The following AGBL4 variants were observed in gnomAD, a reference collection of about 807,000 sequenced individuals.
AGBL4 encodes the protein cytosolic carboxypeptidase 6.
AGBL4 carries 58 observed loss-of-function variants against 66.4 expected under a neutral mutation model. The observed-to-expected ratio is 0.87, with a 90% CI of 0.71 to 1.09. The LOEUF is 1.09. Among genes scored for constraint, AGBL4 ranks in the 50% least tolerant of loss-of-function variants. The pLI is 0.00. For missense variants in AGBL4, 579 were observed against 631.0 expected (o/e 0.92, Z 0.88); for synonymous variants, 234 against 222.9 (o/e 1.05, Z -0.44).
At chr1:49,114,586 T>C (rs1163081067) in intron 4 of AGBL4, among the ~76,000 whole-genome samples, 1 of 152,226 alleles carries the variant, frequency 6.6e-6, no homozygotes, top group Non-Finnish European at 1.5e-5. Flanking sequence ...CCTATCTTTC[T>C]TCCTAACTCA....
At chr1:49,232,897 TTTG>T (rs1262783609) in intron 4 of AGBL4, among the ~76,000 whole-genome samples, 31 of 152,094 alleles carry the variant, frequency 2.0e-4, no homozygotes, top group Non-Finnish European at 3.5e-4. Context: ...ACTAAAAATA[TTTG>T]TTTATATCAT....
rs547216692 is a variant in AGBL4 at position 49,172,371 on chromosome 1, G to A, written c.377+73399C>T. Among the ~76,000 whole-genome samples the A allele has an allele frequency of 1.6e-4, 25 of 152,306 alleles. 1 individual carries two copies. The South Asian group carries it at 4.6e-3, about 28-fold the overall frequency. Reference sequence around the variant, plus strand: ...ATGAGCCAGGATGAGCCAGATGTGTGCCTCCAAAAAAATTGGAAGTGGGAG... The same window carrying A: ...ATGAGCCAGGATGAGCCAGATGTGTACCTCCAAAAAAATTGGAAGTGGGAG... On this transcript the variant is annotated intron_variant, in intron 4 of 13. Coordinates refer to ENST00000371839, the MANE Select transcript of AGBL4 (RefSeq NM_032785.4).
At chr1:49,530,375 T>TA (rs1651042253) in intron 3 of AGBL4, among the ~76,000 whole-genome samples, 1 of 151,688 alleles carries the variant, frequency 6.6e-6, no homozygotes. Context: ...TGTGCCATGT[T>TA]GGTGTGCTGC....
intron 6 of AGBL4, among the ~76,000 whole-genome samples, chr1:48,686,484 A>T (rs1163991004): frequency 6.6e-6 from 1 of 152,254 alleles, no homozygotes; most frequent in Admixed American, 6.5e-5. Context: ...CGTTCAGCAC[A>T]CAGCGCAATG....
intron 2 of AGBL4, among the ~76,000 whole-genome samples, chr1:49,740,403 G>C (rs1650336518): frequency 6.6e-6 from 1 of 152,090 alleles, no homozygotes; most frequent in African/African-American, 2.4e-5. Context: ...CATAAAGCAA[G>C]TCCTTAGAGA....
chr1:48,683,204 G>A (rs908221244), intron 6 of AGBL4, among the ~76,000 whole-genome samples: 6 of 152,196 alleles, frequency 3.9e-5, no homozygotes, highest in Non-Finnish European at 8.8e-5. Flanking sequence ...AGTCCCAGGT[G>A]GTTCTGCGGA....
At chr1:49,728,819 C>T (rs1649218382) in intron 2 of AGBL4, among the ~76,000 whole-genome samples, 1 of 152,166 alleles carries the variant, frequency 6.6e-6, no homozygotes, top group South Asian at 2.1e-4. Context: ...CTCAACTGTC[C>T]ATTCCCAGTT....
At chr1:49,314,271 T>C (rs1417734383) in intron 3 of AGBL4, among the ~76,000 whole-genome samples, 4 of 152,114 alleles carry the variant, frequency 2.6e-5, no homozygotes, top group Non-Finnish European at 4.4e-5. Flanking sequence ...CTGGGATTCA[T>C]GTGCAGAACT....
intron 6 of AGBL4, among the ~76,000 whole-genome samples, chr1:48,722,126 G>GGGGT (rs748867152): frequency 7.2e-6 from 1 of 138,564 alleles, no homozygotes; most frequent in African/African-American, 2.6e-5. Context: ...TTGTTTATTT[G>GGGGT]GGGTGGGTGG....
chr1:49,415,508 A>G (rs1209953388), intron 3 of AGBL4, among the ~76,000 whole-genome samples: 2 of 152,096 alleles, frequency 1.3e-5, no homozygotes. Context: ...GAACCTGCTA[A>G]TAACTAGGTG....
chr1:49,309,153 C>A (rs1425544202), intron 3 of AGBL4, among the ~76,000 whole-genome samples: 1 of 152,214 alleles, frequency 6.6e-6, no homozygotes, highest in Non-Finnish European at 1.5e-5. Context: ...CTAGGCTCAA[C>A]ATTCTGTGTG....
At chr1:48,961,077 T>TGG (rs1401534697) in intron 5 of AGBL4, among the ~76,000 whole-genome samples, 11 of 134,570 alleles carry the variant, frequency 8.2e-5, no homozygotes, top group African/African-American at 3.3e-4. Flanking sequence ...GATCCCAGTC[T>TGG]GGGGTGTGTG....
At chr1:48,626,455 A>G (rs75306570) in intron 9 of AGBL4, among the ~76,000 whole-genome samples, 3,604 of 152,298 alleles carry the variant, frequency 0.024, 134 homozygotes, top group African/African-American at 0.08. Context: ...TAAGCATCCA[A>G]TCAGTCTGTC....
chr1:49,790,363 C>CA (rs11313463), intron 2 of AGBL4, among the ~76,000 whole-genome samples: 2,821 of 98,842 alleles, frequency 0.029, 87 homozygotes, highest in African/African-American at 0.08. Context: ...GATTCTATCT[C>CA]AAAAAAAAAA....
chr1:48,851,070 C>T (rs2148809104), intron 6 of AGBL4, among the ~76,000 whole-genome samples: 1 of 152,264 alleles, frequency 6.6e-6, no homozygotes, highest in South Asian at 2.1e-4. Flanking sequence ...ATATGAAAAC[C>T]ACTTGTAGTG....
chr1:49,381,237 A>G (rs1391251761), intron 3 of AGBL4, among the ~76,000 whole-genome samples: 4 of 152,246 alleles, frequency 2.6e-5, no homozygotes, highest in Non-Finnish European at 5.9e-5. Context: ...CAAAAAACAC[A>G]TGAAAAAATG....
intron 6 of AGBL4, among the ~76,000 whole-genome samples, chr1:48,694,496 T>A (rs935923996): frequency 2.6e-5 from 4 of 152,232 alleles, no homozygotes; most frequent in Admixed American, 1.3e-4. Flanking sequence ...TAAGATGAGA[T>A]GCTGTATGCA....
At chr1:49,428,746 C>T (rs961075660) in intron 3 of AGBL4, among the ~76,000 whole-genome samples, 4 of 152,204 alleles carry the variant, frequency 2.6e-5, no homozygotes, top group East Asian at 1.9e-4. Flanking sequence ...GTGCCCCATT[C>T]GTTGGACTAG....
chr1:48,732,552 CTT>C (rs1258846141), intron 6 of AGBL4, among the ~76,000 whole-genome samples: 2 of 150,806 alleles, frequency 1.3e-5, no homozygotes, highest in African/African-American at 5.0e-5. Flanking sequence ...GGAGAGGCTA[CTT>C]TAGACTGAGT....
Sources: gnomAD v4.1 joint callset for allele counts (sites outside exome capture counted in the v4.1 genomes callset) on GRCh38, gnomAD v4.1.1 for gene constraint, MANE v1.5 for transcripts, NCBI Gene and HGNC (gene_info 2026-07-23, HGNC 2026-07-21) for gene names.